The following GLB1 variants were observed in gnomAD, a reference collection of about 807,000 sequenced individuals.
GLB1 encodes galactosidase beta 1.
In GLB1, 56 loss-of-function variants were observed where a neutral mutation model predicts 74.0. That is an observed-to-expected ratio of 0.76 (90% CI 0.61 to 0.94). GLB1 has a LOEUF of 0.94. Ranked by LOEUF, GLB1 falls within the 40% of genes least tolerant of loss-of-function variation. The pLI is 0.00. For synonymous variants in GLB1, 323 were observed against 323.6 expected, an observed-to-expected ratio of 1.00 and a Z score of 0.02; for missense variants, 787 against 845.5, an observed-to-expected ratio of 0.93 and a Z score of 0.86.
At chr3:33,048,356 G>A (rs897712260) in intron 9 of GLB1, among the ~76,000 whole-genome samples, 5 of 152,208 alleles carry the variant, frequency 3.3e-5, no homozygotes, top group Non-Finnish European at 1.5e-5. Context: ...GCAGATTCAA[G>A]CCTCCTCTGG....
chr3:33,014,051 C>T lies in GLB1; in HGVS notation c.1734+5G>A, dbSNP rs988566536. On this transcript the variant is annotated splice_donor_5th_base_variant and intron_variant, in intron 15 of 15. Transcript: ENST00000307363. ...AATTCAAACCCTTCCCATGAAGACA[C>T]GTACCTTGGTCCATCCAGGAAACTG... is the stretch of plus-strand genomic sequence containing the variant. 4.3e-6 allele frequency: 7 copies of T among 1,614,198 alleles called. No homozygotes were observed. The highest frequency in any genetic ancestry group is 4.5e-5 in the East Asian group (2 of 44,886).
chr3:32,969,008 A>T, the GLB1 span, among the ~76,000 whole-genome samples: 1 of 152,228 alleles, frequency 6.6e-6, no homozygotes, highest in Non-Finnish European at 1.5e-5. Context: ...CTCCTCATCA[A>T]GTCAGTCCCA....
At chr3:33,080,406 A>G (rs1700282904) in intron 1 of GLB1, among the ~76,000 whole-genome samples, 1 of 151,996 alleles carries the variant, frequency 6.6e-6, no homozygotes, top group Non-Finnish European at 1.5e-5. Context: ...ACATGCCTAC[A>G]TCAGCTGTAG....
intron 2 of GLB1, among the ~76,000 whole-genome samples, 169 bp from the exon 3 acceptor site, chr3:33,069,139 C>G (rs1190156062): frequency 6.6e-6 from 1 of 152,054 alleles, no homozygotes; most frequent in Non-Finnish European, 1.5e-5. Context: ...CCTCTAATCC[C>G]AGCACTCTGG....
intron 10 of GLB1, among the ~76,000 whole-genome samples, chr3:33,026,274 G>A (rs142104864): frequency 7.1e-4 from 108 of 152,360 alleles, no homozygotes; most frequent in Non-Finnish European, 1.2e-3. Flanking sequence ...GGATGGGGCT[G>A]AGCCCACGTG....
chr3:32,990,801 G>A, the GLB1 span, among the ~76,000 whole-genome samples: 11 of 152,006 alleles, frequency 7.2e-5, no homozygotes, highest in Admixed American at 5.9e-4. Context: ...GTGAAACCCC[G>A]TCTCTACTAA....
At position 33,058,183 on chromosome 3, in the gene GLB1, A is replaced by G; in HGVS notation, c.639T>C (p.Asp213=). The change falls in exon 6 of 16, where the codon GAT becomes GAC. Residue 213 remains aspartate (D), a synonymous_variant. Coordinates refer to ENST00000307363, the MANE Select transcript of GLB1 (RefSeq NM_000404.4). The part of the protein sequence containing the change: ...LQKRFRHHLG[D]DVVLFTTDGA... ...CATCAGTGGTAAACAGAACCACATC[A>G]TCCCCCAGATGGTGGCGAAAGCGCT... 1.2e-6 allele frequency: 2 copies of G among 1,614,176 alleles called. No individual in the cohort carries two copies. Among genetic ancestry groups the G allele is most frequent in the South Asian group, 2.2e-5 (2 of 91,078 alleles).
At chr3:33,096,338 C>T in intron 1 of GLB1, 3 of 962,274 alleles carry the variant, frequency 3.1e-6, no homozygotes, top group Non-Finnish European at 3.7e-6. Context: ...CCGCACCTCA[C>T]CTATTCGCCT....
intron 6 of GLB1, among the ~76,000 whole-genome samples, chr3:33,057,696 A>G (rs4438612): frequency 0.34 from 51,379 of 152,082 alleles, 8,849 homozygotes; most frequent in Admixed American, 0.37. Context: ...GTGTCCTGCC[A>G]AGGTGGGAGG....
At chr3:33,040,802 T>A (rs933075900) in intron 10 of GLB1, among the ~76,000 whole-genome samples, 10 of 152,178 alleles carry the variant, frequency 6.6e-5, no homozygotes, top group Non-Finnish European at 1.3e-4. Context: ...ATCTCTAGTA[T>A]GTTTAAAGAA....
chr3:33,096,201 C>T (rs575637029), intron 1 of GLB1: 1 of 182,418 alleles, frequency 5.5e-6, no homozygotes, highest in African/African-American at 2.4e-5. Context: ...CTTGCAACTA[C>T]CCACTCTCCT....
At chr3:33,006,141 T>C (rs1044936169) in intron 15 of GLB1, among the ~76,000 whole-genome samples, 2 of 152,138 alleles carry the variant, frequency 1.3e-5, no homozygotes, top group Admixed American at 6.5e-5. Flanking sequence ...TGGCAGAACA[T>C]GACATTTCAG....
intron 5 of GLB1, among the ~76,000 whole-genome samples, chr3:33,059,984 C>T (rs1215021655): frequency 6.6e-6 from 1 of 152,086 alleles, no homozygotes; most frequent in Non-Finnish European, 1.5e-5. Context: ...AGGGACAGCC[C>T]GAGGTAGCTC....
intron 9 of GLB1, among the ~76,000 whole-genome samples, chr3:33,047,412 T>A (rs1349074081): frequency 6.6e-6 from 1 of 152,124 alleles, no homozygotes; most frequent in Non-Finnish European, 1.5e-5. Context: ...CTAAGCCCCA[T>A]CCCAGAGATT....
intron 1 of GLB1, chr3:33,096,558 G>A (rs1169081511): frequency 1.0e-6 from 1 of 984,024 alleles, no homozygotes; most frequent in African/African-American, 1.7e-5. Flanking sequence ...TGTTCCCACT[G>A]CAAGGGCCTC....
intron 1 of GLB1, among the ~76,000 whole-genome samples, chr3:33,083,085 T>G (rs566764364): frequency 6.6e-6 from 1 of 152,210 alleles, no homozygotes; most frequent in African/African-American, 2.4e-5. Context: ...GTGGAACTAC[T>G]GACAGAAGGC....
intron 10 of GLB1, among the ~76,000 whole-genome samples, chr3:33,026,570 C>T (rs1697768976): frequency 6.6e-6 from 1 of 152,146 alleles, no homozygotes; most frequent in African/African-American, 2.4e-5. Flanking sequence ...GTTCGGGCCA[C>T]TAGTCTCATG....
At chr3:32,973,705 C>T in the GLB1 span, among the ~76,000 whole-genome samples, 9 of 152,106 alleles carry the variant, frequency 5.9e-5, no homozygotes, top group Non-Finnish European at 7.4e-5. Flanking sequence ...TTGCACCAAC[C>T]TAATATAAAT....
At chr3:32,985,051 G>A in the GLB1 span, among the ~76,000 whole-genome samples, 1 of 148,456 alleles carries the variant, frequency 6.7e-6, no homozygotes, top group Non-Finnish European at 1.5e-5. Context: ...GCTGCAGTGA[G>A]CTGTGTTCAT....
Sources: allele counts gnomAD v4.1 joint callset (sites outside exome capture counted in the v4.1 genomes callset), GRCh38; gene constraint gnomAD v4.1.1; transcripts MANE v1.5; gene names NCBI Gene and HGNC (gene_info 2026-07-23, HGNC 2026-07-21).